NHSL1: variants seen among roughly 807,000 people sequenced by gnomAD.
NHSL1 encodes the protein NHS-like protein 1.
In NHSL1, 48 loss-of-function variants were observed where a neutral mutation model predicts 95.0. That is an observed-to-expected ratio of 0.51 (90% CI 0.40 to 0.64). The LOEUF (loss-of-function observed/expected upper bound fraction) is 0.64, where lower values mean the gene tolerates loss of function less well. NHSL1 is among the 30% of genes least tolerant of loss of function. The pLI is 0.00. For synonymous variants in NHSL1, 783 were observed against 833.9 expected (o/e 0.94, Z 1.05); for missense variants, 1,971 against 2,077.7 (o/e 0.95, Z 1.00).
intron 1 of NHSL1, among the ~76,000 whole-genome samples, chr6:138,553,005 C>A (rs1042458473): frequency 1.3e-5 from 2 of 152,066 alleles, no homozygotes; most frequent in African/African-American, 4.8e-5. Context: ...ACCTTTTAAT[C>A]CACCTTCACA....
Position 138,673,094 on chromosome 6 carries a change from C to G in NHSL1, c.96+19382G>C, listed in dbSNP as rs78075331. 9.4e-3 allele frequency among the ~76,000 whole-genome samples: 1,431 copies of G among 152,108 alleles called. 21 individuals are homozygous for G. The highest frequency in any genetic ancestry group is 0.055 in the South Asian group (264 of 4,820). On this transcript the variant is annotated intron_variant, in intron 1 of 3. Coordinates refer to the NHSL1 transcript ENST00000491526. ...TTTCTAGATTATTTCTATTATCTCT[C>G]TTCTCCATTAGCTCAAATATCAAGA...
Position 138,473,393 on chromosome 6 carries a change from C to T in NHSL1, c.252G>A (p.Gln84=). The T allele has an allele frequency of 6.5e-7, 1 of 1,540,972 alleles. No individual in the cohort carries two copies. The highest frequency in any genetic ancestry group is 8.8e-7 in the Non-Finnish European group (1 of 1,142,234). Residue 84 remains glutamine (Q), a synonymous_variant, in exon 3 of 8, where the codon CAG becomes CAA. Transcript: ENST00000343505. Reference sequence around the variant, plus strand: ...CAAAGGTGGGTCCCTGAGAGTAGTACTGAGAACTGCGGTAGCCATCATGCC... The same window carrying T: ...CAAAGGTGGGTCCCTGAGAGTAGTATTGAGAACTGCGGTAGCCATCATGCC... The part of the protein sequence containing the change: ...KLRHDGYRSS[Q]YYSQGPTFAA...
At chr6:138,528,908 C>T (rs1423256261) in intron 1 of NHSL1, among the ~76,000 whole-genome samples, 2 of 152,158 alleles carry the variant, frequency 1.3e-5, no homozygotes, top group Non-Finnish European at 2.9e-5. Context: ...TGACAAACAG[C>T]ATGGCCCTCA....
chr6:138,557,452 T>C (rs1035399346), intron 1 of NHSL1, among the ~76,000 whole-genome samples: 1 of 151,444 alleles, frequency 6.6e-6, no homozygotes, highest in African/African-American at 2.4e-5. Flanking sequence ...AGCCAAAGAG[T>C]GGTGGGGACT....
rs530563432 is a variant in NHSL1, at chr6:138,608,483, A to G, written c.96+83993T>C. 6.6e-5 allele frequency among the ~76,000 whole-genome samples: 10 copies of G among 152,384 alleles called. 1 individual carries two copies. The East Asian group carries it at 1.2e-3, about 18-fold the overall frequency. On this transcript the variant is annotated intron_variant, in intron 1 of 3. Coordinates refer to the NHSL1 transcript ENST00000491526. ...AAAATTTTAAAATGAGTTTCAACTC[A>G]ATGTGAACTCAATAATTCCTGCTTT...
upstream of NHSL1, among the ~76,000 whole-genome samples, chr6:138,576,206 G>A (rs1783969712): frequency 6.6e-6 from 1 of 151,978 alleles, no homozygotes; most frequent in Admixed American, 6.6e-5. Context: ...TGGCCAGTCT[G>A]ATCTCAAACT....
At chr6:138,622,715 T>G (rs1784681961) in intron 1 of NHSL1, among the ~76,000 whole-genome samples, 1 of 152,174 alleles carries the variant, frequency 6.6e-6, no homozygotes, top group East Asian at 1.9e-4. Flanking sequence ...CAAATGAAAT[T>G]TCCTAGTCAG....
rs1775113137 is a variant in NHSL1, at chr6:138,424,362, G to T, written c.4540C>A (p.Arg1514=). The T allele has an allele frequency of 1.3e-6, 2 of 1,547,904 alleles. No individual in the cohort carries two copies. Among genetic ancestry groups the T allele is most frequent in the Non-Finnish European group, 8.7e-7 (1 of 1,145,164 alleles). ...PSAASSRYSM[R]NRIQSSPMTV... ...ATGGGGCTGCTCTGGATCCGGTTCC[G>T]CATGCTGTACCTGCTGCTGGCGGCA... The change falls in exon 8 of 8, where the codon CGG becomes AGG. Residue 1514 remains arginine (R), a synonymous_variant. Transcript: ENST00000343505. The surrounding 1 kb of genome is among the most constrained non-coding windows in gnomAD (Gnocchi z 5.9).
intron 1 of NHSL1, among the ~76,000 whole-genome samples, chr6:138,607,735 T>C (rs963833606): frequency 6.6e-6 from 1 of 152,176 alleles, no homozygotes; most frequent in Non-Finnish European, 1.5e-5. Context: ...TTCCTTCCCA[T>C]GAGGCTTTGA....
intron 1 of NHSL1, among the ~76,000 whole-genome samples, chr6:138,662,157 AAT>A (rs1258909929): frequency 1.6e-4 from 25 of 152,146 alleles, no homozygotes; most frequent in Admixed American, 6.5e-5. Flanking sequence ...AAAAAAAAAA[AAT>A]CTTAGAATGA....
intron 1 of NHSL1, among the ~76,000 whole-genome samples, chr6:138,586,159 A>G (rs546242844): frequency 6.6e-6 from 1 of 151,500 alleles, no homozygotes; most frequent in East Asian, 2.0e-4. Context: ...CAGTGGTGCA[A>G]TCTTGGCTCA....
intron 1 of NHSL1, among the ~76,000 whole-genome samples, chr6:138,597,691 C>A (rs1784319679): frequency 6.6e-6 from 1 of 152,174 alleles, no homozygotes; most frequent in Non-Finnish European, 1.5e-5. Context: ...CGGTTTCATT[C>A]CATCTTCCAG....
chr6:138,531,834 C>T (rs572808898), intron 1 of NHSL1, among the ~76,000 whole-genome samples: 65 of 152,170 alleles, frequency 4.3e-4, no homozygotes, highest in Admixed American at 8.5e-4. Flanking sequence ...TGATATTAAA[C>T]CAGATGATAC....
chr6:138,465,154 G>C (rs1055413715), intron 3 of NHSL1, among the ~76,000 whole-genome samples: 1 of 150,906 alleles, frequency 6.6e-6, no homozygotes, highest in South Asian at 2.1e-4. Flanking sequence ...CACTCACTGA[G>C]TCACCCAGAA....
intron 1 of NHSL1, among the ~76,000 whole-genome samples, chr6:138,571,119 C>T (rs1204569650): frequency 6.6e-6 from 1 of 151,644 alleles, no homozygotes; most frequent in African/African-American, 2.4e-5. Flanking sequence ...TGATAGAAAT[C>T]TAAAAACTCT....
intron 1 of NHSL1, among the ~76,000 whole-genome samples, chr6:138,540,596 G>C (rs1379825178): frequency 6.6e-6 from 1 of 152,210 alleles, no homozygotes; most frequent in African/African-American, 2.4e-5. Flanking sequence ...ACTGGAAAGA[G>C]GCCTGTGATC....
At chr6:138,476,684 C>T (rs536220590) in intron 2 of NHSL1, among the ~76,000 whole-genome samples, 2 of 152,000 alleles carry the variant, frequency 1.3e-5, no homozygotes, top group Non-Finnish European at 2.9e-5. Flanking sequence ...AAAAATTAGC[C>T]GGGTATAGTG....
intron 1 of NHSL1, among the ~76,000 whole-genome samples, chr6:138,620,817 T>C (rs528668697): frequency 2.0e-5 from 3 of 152,320 alleles, no homozygotes; most frequent in African/African-American, 7.2e-5. Context: ...CTACAGTAGA[T>C]GGATCTCCCA....
chr6:138,491,583 T>C lies in NHSL1; in HGVS notation c.211+4636A>G, dbSNP rs1351515991. ...AGTTCATGAAGGATTCAAACAATGATGGATGTAAAAAGGGTAGACTTCTTC... is the reference window on the plus strand; with the variant it reads ...AGTTCATGAAGGATTCAAACAATGACGGATGTAAAAAGGGTAGACTTCTTC... On this transcript the variant is annotated intron_variant, in intron 2 of 7. Coordinates refer to ENST00000343505, the MANE Select transcript of NHSL1 (RefSeq NM_001144060.2). Among the ~76,000 whole-genome samples, 9 of 152,140 alleles carry C rather than the reference T, an allele frequency of 5.9e-5. No homozygotes were observed. The East Asian group carries it at 1.5e-3, about 26-fold the overall frequency.
Sources: gnomAD v4.1 joint callset for allele counts (sites outside exome capture counted in the v4.1 genomes callset) on GRCh38, gnomAD v4.1.1 for gene constraint, Gnocchi (gnomAD v3.1) non-coding constraint, MANE v1.5 for transcripts, NCBI Gene and HGNC (gene_info 2026-07-23, HGNC 2026-07-21) for gene names.